The following HSPD1 variants were observed in gnomAD, a reference collection of about 807,000 sequenced individuals.
HSPD1 encodes 60 kDa heat shock protein, mitochondrial.
In HSPD1, 3 loss-of-function variants were observed where a neutral mutation model predicts 53.0. That is an observed-to-expected ratio of 0.06 (90% CI 0.03 to 0.15). The LOEUF is 0.15. Among genes scored for constraint, HSPD1 ranks in the 10% least tolerant of loss-of-function variants. The pLI is 1.00. For synonymous variants in HSPD1, 200 were observed against 228.0 expected (o/e 0.88, Z 1.10); for missense variants, 431 against 694.1 (o/e 0.62, Z 4.26).
At chr2:197,500,272 G>A (rs946912020), upstream of HSPD1, 2 of 916,512 alleles carry the variant, frequency 2.2e-6, no homozygotes, top group Non-Finnish European at 3.4e-6. Flanking sequence ...TGCGCGTCGG[G>A]GCGACCGCCC....
At chr2:197,487,422 C>T (rs2086039762) in intron 11 of HSPD1, among the ~76,000 whole-genome samples, 1 of 152,150 alleles carries the variant, frequency 6.6e-6, no homozygotes, top group Non-Finnish European at 1.5e-5. Flanking sequence ...TGGTGCATGC[C>T]TGTAATCCCA....
At chr2:197,496,999 A>C (rs2086166301) in intron 3 of HSPD1, 141 bp downstream of exon 3, 6 of 838,020 alleles carry the variant, frequency 7.2e-6, no homozygotes, top group Non-Finnish European at 1.2e-5. Context: ...AGGAAAACCC[A>C]GTTTAAGATT....
At chr2:197,499,279 AAAGTGTCTCCATGGATCCACCCAAG>A (rs1214771759) in intron 1 of HSPD1, 9 of 289,948 alleles carry the variant, frequency 3.1e-5, no homozygotes, top group Non-Finnish European at 5.4e-5. Context: ...GCCGCTCAGC[AAAGTGTCTCCATGGATCCACCCAAG>A]GCTACTGTAT....
chr2:197,498,931 G>T, intron 1 of HSPD1, 81 bp from the exon 2 acceptor site: 1 of 1,269,468 alleles, frequency 7.9e-7, no homozygotes, highest in Non-Finnish European at 1.1e-6. Flanking sequence ...GTGCAACAGA[G>T]CAAGCAACGT....
rs1388269529 is a variant in HSPD1, at chr2:197,488,052, A to C, written c.1391-16T>G. On this transcript the variant is annotated splice_polypyrimidine_tract_variant and intron_variant, in intron 10 of 11. Transcript: ENST00000388968. The stretch of plus-strand genomic sequence containing the variant: ...ATTTCTATACCTACAGAGAAATTTC[A>C]GCAAAATTTTAATACTTTCATTTGT... 1 of 1,548,448 alleles carries C rather than the reference A, an allele frequency of 6.5e-7. No individual in the cohort carries two copies. Among genetic ancestry groups the C allele is most frequent in the African/African-American group, 1.4e-5 (1 of 73,790 alleles).
chr2:197,488,262 A>C (rs2086050609), intron 10 of HSPD1, 55 bp downstream of exon 10: 4 of 1,498,682 alleles, frequency 2.7e-6, no homozygotes, highest in East Asian at 2.3e-5. Context: ...CAACATTATT[A>C]TTCTAAGAAA....
At chr2:197,491,104 T>C (rs2086085749) in intron 7 of HSPD1, among the ~76,000 whole-genome samples, 1 of 152,032 alleles carries the variant, frequency 6.6e-6, no homozygotes, top group Non-Finnish European at 1.5e-5. Context: ...GTAAACTGGA[T>C]ATCCCACTTT....
chr2:197,489,749 G>T (rs1268737672), intron 8 of HSPD1, among the ~76,000 whole-genome samples: 3 of 152,044 alleles, frequency 2.0e-5, no homozygotes, highest in African/African-American at 7.2e-5. Flanking sequence ...CAGCTACTTG[G>T]GAGGCTGAGA....
At chr2:197,495,053 T>C (rs546479028) in intron 4 of HSPD1, 1 of 600,002 alleles carries the variant, frequency 1.7e-6, no homozygotes, top group South Asian at 2.1e-5. Flanking sequence ...AAGAACATTT[T>C]CACAATCATA....
Position 197,486,781 on chromosome 2 carries a change from A to G in HSPD1, c.*265T>C. 1.1e-5 allele frequency: 5 copies of G among 453,760 alleles called. No homozygotes were observed. The highest frequency in any genetic ancestry group is 1.1e-4 in the South Asian group (5 of 46,348). 28.1% of individuals were successfully genotyped at this position (453,760 alleles called of 1,614,324 possible). On this transcript the variant is annotated 3_prime_UTR_variant, in exon 12 of 12. Transcript: ENST00000388968. Reference sequence around the variant, plus strand: ...TTTAAGTTGAAAGCAGTACACTGGTACATGGCTCTTGTACCCAGTATCAGG... The same window carrying G: ...TTTAAGTTGAAAGCAGTACACTGGTGCATGGCTCTTGTACCCAGTATCAGG...
intron 7 of HSPD1, among the ~76,000 whole-genome samples, chr2:197,492,335 A>C (rs1407329317): frequency 6.6e-6 from 1 of 152,062 alleles, no homozygotes; most frequent in Non-Finnish European, 1.5e-5. Context: ...GATTACAGGC[A>C]CACGCCACCA....
At chr2:197,498,654 A>G in intron 2 of HSPD1, 21 bp downstream of exon 2, 1 of 1,606,414 alleles carries the variant, frequency 6.2e-7, no homozygotes, top group Non-Finnish European at 8.5e-7. Flanking sequence ...CGTAATTACA[A>G]TAAAATAAAA....
At chr2:197,488,579 C>T in intron 9 of HSPD1, 88 bp from the exon 10 acceptor site, 10 of 1,282,368 alleles carry the variant, frequency 7.8e-6, no homozygotes, top group South Asian at 7.1e-5. Context: ...ACTTAAAAAG[C>T]AATCCTGAGG....
intron 11 of HSPD1, among the ~76,000 whole-genome samples, chr2:197,487,444 G>A (rs1223386023): frequency 2.0e-5 from 3 of 152,194 alleles, no homozygotes; most frequent in African/African-American, 7.2e-5. Context: ...CTACTCAGGA[G>A]CCTGAGGCAG....
At chr2:197,500,212 C>T, upstream of HSPD1, 1 of 610,160 alleles carries the variant, frequency 1.6e-6, no homozygotes, top group Admixed American at 3.0e-5. Flanking sequence ...TCTTCCGCCT[C>T]CGAGTCTTCG....
At chr2:197,499,101 G>A (rs990767938) in intron 1 of HSPD1, 2 of 561,550 alleles carry the variant, frequency 3.6e-6, no homozygotes, top group Non-Finnish European at 6.4e-6. Context: ...CCTTCCCCAC[G>A]GCCACCTATC....
chr2:197,500,207 C>T, upstream of HSPD1: 1 of 601,162 alleles, frequency 1.7e-6, no homozygotes, highest in Non-Finnish European at 3.0e-6. Flanking sequence ...TTTTTTCTTC[C>T]GCCTCCGAGT....
chr2:197,491,558 G>A (rs2086092819), intron 7 of HSPD1, among the ~76,000 whole-genome samples: 1 of 152,140 alleles, frequency 6.6e-6, no homozygotes, highest in Non-Finnish European at 1.5e-5. Flanking sequence ...ATGAGCACGT[G>A]TAATGTCTAA....
intron 4 of HSPD1, 89 bp from the exon 5 acceptor site, chr2:197,494,841 T>G: frequency 2.4e-6 from 2 of 846,566 alleles, no homozygotes; most frequent in Middle Eastern, 2.2e-4. Flanking sequence ...ACTTCCAAAT[T>G]GATACTTCCA....
Sources: gnomAD v4.1 joint callset for allele counts (sites outside exome capture counted in the v4.1 genomes callset) on GRCh38, gnomAD v4.1.1 for gene constraint, MANE v1.5 for transcripts, NCBI Gene and HGNC (gene_info 2026-07-23, HGNC 2026-07-21) for gene names.